The following CTDSPL2 variants were observed in gnomAD, a reference collection of about 807,000 sequenced individuals.
CTDSPL2 encodes the protein CTD small phosphatase like 2.
Under a neutral mutation model 60.0 loss-of-function variants are expected in CTDSPL2, and 5 were observed. The ratio of observed to expected loss-of-function variants is 0.08; its 90% CI spans 0.04 to 0.18. The LOEUF (loss-of-function observed/expected upper bound fraction) is 0.18, where lower values mean the gene tolerates loss of function less well. Among genes scored for constraint, CTDSPL2 ranks in the 10% least tolerant of loss-of-function variants. CTDSPL2 has a pLI of 1.00. For missense variants in CTDSPL2, 370 were observed against 548.8 expected (o/e 0.67, Z 3.26); for synonymous variants, 186 against 189.3 (o/e 0.98, Z 0.14).
chr15:44,429,232 G>A lies in CTDSPL2; in HGVS notation c.-25+1460G>A, dbSNP rs779375745. Among the ~76,000 whole-genome samples, 7 of 152,252 alleles carry A rather than the reference G, an allele frequency of 4.6e-5. No individual in the cohort carries two copies. In the East Asian group the frequency reaches 5.8e-4, roughly 13 times the overall value. ...AGTCAAGGCAAAAGGTAGCTCTTATGTGAAGGAGTTTTTTAGGATTAAGTT... is the reference window on the plus strand; with the variant it reads ...AGTCAAGGCAAAAGGTAGCTCTTATATGAAGGAGTTTTTTAGGATTAAGTT... On this transcript the variant is annotated intron_variant, in intron 1 of 12. Transcript: ENST00000260327.
chr15:44,489,528 T>C (rs989338115), intron 4 of CTDSPL2, among the ~76,000 whole-genome samples: 11 of 152,216 alleles, frequency 7.2e-5, no homozygotes, highest in Admixed American at 7.2e-4. Flanking sequence ...AAGTGGTTAA[T>C]ACAGTATTAG....
At chr15:44,488,907 T>C (rs929355579) in intron 4 of CTDSPL2, among the ~76,000 whole-genome samples, 1 of 152,154 alleles carries the variant, frequency 6.6e-6, no homozygotes, top group Non-Finnish European at 1.5e-5. Context: ...GGTGTGTATA[T>C]CTCTGAAGGT....
intron 8 of CTDSPL2, among the ~76,000 whole-genome samples, chr15:44,504,214 G>C (rs965826073): frequency 1.3e-5 from 2 of 152,156 alleles, no homozygotes; most frequent in African/African-American, 2.4e-5. Context: ...GCCGGGCGTG[G>C]TGGCAGGTGC....
At chr15:44,480,088 C>G (rs990398546) in intron 2 of CTDSPL2, among the ~76,000 whole-genome samples, 1 of 152,138 alleles carries the variant, frequency 6.6e-6, no homozygotes, top group Non-Finnish European at 1.5e-5. Context: ...ATACTTCCTC[C>G]TAAGTATGGA....
intron 10 of CTDSPL2, chr15:44,516,908 T>A (rs1349858974): frequency 6.6e-6 from 1 of 152,044 alleles, no homozygotes; most frequent in Non-Finnish European, 1.5e-5. Context: ...GGTGCGATCT[T>A]GGCTCACTGT....
intron 10 of CTDSPL2, chr15:44,516,944 A>G (rs1000870059): frequency 3.3e-5 from 5 of 152,002 alleles, no homozygotes; most frequent in African/African-American, 1.2e-4. Context: ...GATTCAAGCG[A>G]TTCTCCTGCC....
At chr15:44,433,778 C>A in intron 1 of CTDSPL2, among the ~76,000 whole-genome samples, 1 of 151,626 alleles carries the variant, frequency 6.6e-6, no homozygotes, top group East Asian at 2.0e-4. Flanking sequence ...GGTAAAACCC[C>A]GTCTCTACTA....
chr15:44,486,422 A>T, intron 3 of CTDSPL2, 129 bp from the exon 4 acceptor site: 1 of 626,798 alleles, frequency 1.6e-6, no homozygotes, highest in Non-Finnish European at 2.6e-6. Flanking sequence ...TTTCCTGAAC[A>T]TTAACATTAA....
At chr15:44,501,959 C>A in intron 8 of CTDSPL2, 1 of 454,902 alleles carries the variant, frequency 2.2e-6, no homozygotes, top group Non-Finnish European at 4.4e-6. Flanking sequence ...TTTAAACTTT[C>A]AGTGGTGTTG....
intron 1 of CTDSPL2, among the ~76,000 whole-genome samples, chr15:44,456,823 A>T (rs1595715134): frequency 8.6e-6 from 1 of 116,510 alleles, no homozygotes; most frequent in African/African-American, 3.2e-5. Context: ...TAGTTATTTT[A>T]ATTGTGATGT....
At chr15:44,498,538 A>G (rs2081338701) in intron 7 of CTDSPL2, among the ~76,000 whole-genome samples, 1 of 152,056 alleles carries the variant, frequency 6.6e-6, no homozygotes, top group African/African-American at 2.4e-5. Flanking sequence ...GTGAGCTACA[A>G]TTGTGCCACT....
At chr15:44,444,838 T>G (rs1253406666) in intron 1 of CTDSPL2, among the ~76,000 whole-genome samples, 2 of 105,894 alleles carry the variant, frequency 1.9e-5, no homozygotes, top group Non-Finnish European at 3.8e-5. Context: ...GGAATGTAGT[T>G]TTTTTTTTTT....
rs1046184595 is a variant in CTDSPL2 at position 44,427,725 on chromosome 15, C to T, written c.-72C>T. On this transcript the variant is annotated 5_prime_UTR_variant, in exon 1 of 13. Transcript: ENST00000260327. ...GGAAAGACACCACACATTGCGCAGTCGGGACCATCGCCGGAGCCTGAGGAC... is the reference window on the plus strand; with the variant it reads ...GGAAAGACACCACACATTGCGCAGTTGGGACCATCGCCGGAGCCTGAGGAC... The T allele has an allele frequency of 3.0e-5, 12 of 399,178 alleles. No homozygotes were observed. Among genetic ancestry groups the T allele is most frequent in the African/African-American group, 2.5e-4 (12 of 48,638 alleles). 24.7% of individuals were successfully genotyped at this position (399,178 alleles called of 1,614,324 possible).
At chr15:44,466,940 AAAAACAAAAC>A (rs374825117) in intron 2 of CTDSPL2, among the ~76,000 whole-genome samples, 1 of 152,102 alleles carries the variant, frequency 6.6e-6, no homozygotes, top group Admixed American at 6.5e-5. Flanking sequence ...CTCCGTCTCA[AAAAACAAAAC>A]AAAACAAAAC....
chr15:44,511,867 C>CAAA (rs68063380), intron 8 of CTDSPL2, among the ~76,000 whole-genome samples: 48 of 30,606 alleles, frequency 1.6e-3, no homozygotes, highest in East Asian at 2.3e-3. Context: ...GACGGTCTCG[C>CAAA]AAAAAAAAAA....
chr15:44,486,122 G>A (rs547567901), intron 3 of CTDSPL2, among the ~76,000 whole-genome samples: 7 of 152,150 alleles, frequency 4.6e-5, no homozygotes, highest in Admixed American at 3.9e-4. Flanking sequence ...TATTCATTTC[G>A]CTGTCATTCA....
At chr15:44,444,017 C>T (rs967087690) in intron 1 of CTDSPL2, among the ~76,000 whole-genome samples, 1 of 151,916 alleles carries the variant, frequency 6.6e-6, no homozygotes, top group African/African-American at 2.4e-5. Flanking sequence ...ATCCTCCCAC[C>T]TCAGCTTCCC....
chr15:44,492,674 A>G (rs1354983374), intron 5 of CTDSPL2, among the ~76,000 whole-genome samples: 2 of 152,264 alleles, frequency 1.3e-5, no homozygotes, highest in African/African-American at 2.4e-5. Flanking sequence ...AGAGACAAGC[A>G]GCAAAATAGG....
intron 10 of CTDSPL2, 54 bp from the exon 11 acceptor site, chr15:44,519,115 T>G (rs1473390972): frequency 3.2e-6 from 4 of 1,265,100 alleles, no homozygotes; most frequent in Non-Finnish European, 4.2e-6. Context: ...TGTGTATATG[T>G]TCTACTTTTT....
Sources: allele counts gnomAD v4.1 joint callset (sites outside exome capture counted in the v4.1 genomes callset), GRCh38; gene constraint gnomAD v4.1.1; transcripts MANE v1.5; gene names NCBI Gene and HGNC (gene_info 2026-07-23, HGNC 2026-07-21).